The following MDN1 variants were observed in gnomAD, a reference collection of about 807,000 sequenced individuals.
The protein encoded by MDN1 is midasin.
In MDN1, 266 loss-of-function variants were observed where a neutral mutation model predicts 669.2. The observed-to-expected ratio is 0.40, with a 90% confidence interval of 0.36 to 0.44. The LOEUF is 0.44. Among genes scored for constraint, MDN1 ranks in the 20% least tolerant of loss-of-function variants. The pLI is 1.00. For synonymous variants in MDN1, 2,385 were observed against 2,457.1 expected, an observed-to-expected ratio of 0.97 and a Z score of 0.87; for missense variants, 5,940 against 6,754.0, an observed-to-expected ratio of 0.88 and a Z score of 4.22.
At chr6:89,653,871 G>GT (rs1809060029) in intron 93 of MDN1, among the ~76,000 whole-genome samples, 1 of 152,126 alleles carries the variant, frequency 6.6e-6, no homozygotes, top group Non-Finnish European at 1.5e-5. Context: ...CATAGCTGTA[G>GT]TAAGTGTACT....
At chr6:89,675,276 G>C in intron 78 of MDN1, 188 bp downstream of exon 78, 1 of 569,798 alleles carries the variant, frequency 1.8e-6, no homozygotes, top group South Asian at 2.2e-5. Flanking sequence ...GAGGGAGAGG[G>C]ACACTAGAGG....
intron 30 of MDN1, 70 bp from the exon 31 acceptor site, chr6:89,743,350 G>A (rs571626754): frequency 1.7e-4 from 267 of 1,579,446 alleles, no homozygotes; most frequent in Non-Finnish European, 2.3e-4. Flanking sequence ...GCAGCTGGCT[G>A]GTGTTTCCAG....
chr6:89,671,610 G>A (rs1810771464), intron 82 of MDN1, among the ~76,000 whole-genome samples: 1 of 152,174 alleles, frequency 6.6e-6, no homozygotes, highest in Non-Finnish European at 1.5e-5. Flanking sequence ...CCTGAGCCCA[G>A]GAGGTCAAGG....
In MDN1 at chr6:89,661,541, C is replaced by T; in HGVS notation, c.14603G>A (p.Gly4868Asp). The T allele has an allele frequency of 6.2e-7, 1 of 1,614,124 alleles. No individual in the cohort carries two copies. Among genetic ancestry groups the T allele is most frequent in the Non-Finnish European group, 8.5e-7 (1 of 1,180,008 alleles). Reference protein sequence around the residue: ...YDENEVDPYHGNQEKVPEPEA... With the variant: ...YDENEVDPYHDNQEKVPEPEA... ...GGGTTCTGGCACCTTTTCCTGATTGCCATGGTAAGGGTCCACCTCATTTTC... is the reference window on the plus strand; with the variant it reads ...GGGTTCTGGCACCTTTTCCTGATTGTCATGGTAAGGGTCCACCTCATTTTC... Residue 4868 changes from glycine to aspartate, a missense_variant, in exon 88 of 102, where the codon GGC becomes GAC. Gly to Asp is a moderately conservative substitution (Grantham distance 94). Around this residue, in one of 5 missense-constraint regions of MDN1, gnomAD observed 2,280 missense variants for 2,576.3 expected, o/e 0.88. Coordinates refer to ENST00000369393, the MANE Select transcript of MDN1 (RefSeq NM_014611.3).
chr6:89,663,628 C>T (rs2128301714), intron 85 of MDN1, among the ~76,000 whole-genome samples: 1 of 152,102 alleles, frequency 6.6e-6, no homozygotes, highest in Non-Finnish European at 1.5e-5. Flanking sequence ...GGAGAATGTT[C>T]ATAAGATGTT....
chr6:89,700,836 A>C lies in MDN1; in HGVS notation c.8448T>G (p.Cys2816Trp), dbSNP rs1813105525. Residue 2816 changes from cysteine to tryptophan, a missense_variant, in exon 56 of 102, where the codon TGT (cysteine) becomes TGG (tryptophan). Physicochemically the swap from Cys to Trp is radical, Grantham distance 215 (BLOSUM62 -2). Coordinates refer to ENST00000369393, the MANE Select transcript of MDN1 (RefSeq NM_014611.3). ...FPFKDKLVVE[C>W]FSQLKVLNKV... is the part of the protein sequence containing the mutation. ...TGTTAAGGACCTTCAGTTGTGAAAA[A>C]CACTCCACCACCAGCTTGTCCTGAA... 2 of 1,614,056 alleles carry C rather than the reference A, an allele frequency of 1.2e-6. No homozygotes were observed. The highest frequency in any genetic ancestry group is 1.7e-6 in the Non-Finnish European group (2 of 1,179,998).
rs759631274 is a variant in MDN1 at position 89,674,404 on chromosome 6, G to A, written c.12947C>T (p.Pro4316Leu). 1.2e-6 allele frequency: 2 copies of A among 1,614,202 alleles called. No individual in the cohort carries two copies. The highest frequency in any genetic ancestry group is 1.7e-6 in the Non-Finnish European group (2 of 1,180,030). The change falls in exon 79 of 102, where the codon CCA (proline) becomes CTA (leucine). Residue 4316 changes from proline (P) to leucine (L), a missense_variant. Coordinates refer to ENST00000369393, the MANE Select transcript of MDN1 (RefSeq NM_014611.3). ...CTGGACATTGCCATGGCCTGGAGCT[G>A]GCCCTACACTGGGGCAGCACTGGAG... Reference protein sequence around the residue: ...WLLQCCPSVGPAPGHGNVQVL... With the variant: ...WLLQCCPSVGLAPGHGNVQVL...
chr6:89,781,838 A>C (rs1818689666), intron 9 of MDN1, among the ~76,000 whole-genome samples: 1 of 152,208 alleles, frequency 6.6e-6, no homozygotes, highest in African/African-American at 2.4e-5. Context: ...AAAAATACAA[A>C]CATGGGCACG....
intron 1 of MDN1, among the ~76,000 whole-genome samples, chr6:89,806,320 T>C (rs1375337282): frequency 6.6e-6 from 1 of 152,110 alleles, no homozygotes; most frequent in African/African-American, 2.4e-5. Flanking sequence ...GGTGGTACTT[T>C]GGGAGGCCAA....
intron 1 of MDN1, among the ~76,000 whole-genome samples, chr6:89,809,883 T>G (rs1365855830): frequency 4.0e-5 from 6 of 148,868 alleles, no homozygotes; most frequent in Non-Finnish European, 8.9e-5. Flanking sequence ...CTACTACTCA[T>G]GAGGCTAGAG....
intron 53 of MDN1, among the ~76,000 whole-genome samples, 168 bp downstream of exon 53, chr6:89,705,891 A>C (rs1813481407): frequency 6.6e-6 from 1 of 152,244 alleles, no homozygotes; most frequent in Non-Finnish European, 1.5e-5. Context: ...TTATACCCCA[A>C]TGAAGATTTT....
Position 89,718,470 on chromosome 6 carries a change from C to T in MDN1, c.6479G>A (p.Gly2160Glu), listed in dbSNP as rs370777899. 1.9e-5 allele frequency: 31 copies of T among 1,614,032 alleles called. No homozygotes were observed. The highest frequency in any genetic ancestry group is 1.6e-4 in the Middle Eastern group (1 of 6,082). The stretch of plus-strand genomic sequence containing the variant: ...CATCGTGATAGCTTTACCACCTTCT[C>T]CAAGACACTTAGGCTTATATGTCAG... ...FLLTYKPKCL[G>E]EGGKAITMEI... The change falls in exon 43 of 102, where the codon GGA becomes GAA. Residue 2160 changes from glycine (G) to glutamate (E), a missense_variant. Gly to Glu is a moderately conservative substitution (Grantham distance 98, BLOSUM62 -2). This residue lies in a region of MDN1 where 2,292 missense variants were observed against 2,638.3 expected (regional missense o/e 0.87). Coordinates refer to ENST00000369393, the MANE Select transcript of MDN1 (RefSeq NM_014611.3).
At chr6:89,769,096 T>C (rs771003441) in intron 15 of MDN1, among the ~76,000 whole-genome samples, 2 of 152,100 alleles carry the variant, frequency 1.3e-5, no homozygotes, top group Non-Finnish European at 2.9e-5. Context: ...CAGGTTATTA[T>C]TTAACATACT....
intron 69 of MDN1, among the ~76,000 whole-genome samples, chr6:89,686,286 A>C (rs1811999148): frequency 6.6e-6 from 1 of 152,142 alleles, no homozygotes; most frequent in African/African-American, 2.4e-5. Context: ...TTAGACAGGC[A>C]TGGTGTTGGG....
At chr6:89,676,717 G>A (rs571394966) in intron 76 of MDN1, among the ~76,000 whole-genome samples, 1 of 152,298 alleles carries the variant, frequency 6.6e-6, no homozygotes, top group Non-Finnish European at 1.5e-5. Flanking sequence ...GAATGCTTAT[G>A]TAAAATTTCC....
Position 89,685,872 on chromosome 6 carries a change from C to T in MDN1, c.11674G>A (p.Val3892Ile). 6.2e-7 allele frequency: 1 copy of T among 1,614,066 alleles called. No homozygotes were observed. Among genetic ancestry groups the T allele is most frequent in the Non-Finnish European group, 8.5e-7 (1 of 1,180,016 alleles). The stretch of plus-strand genomic sequence containing the variant: ...ATCAGCAAGACATGACAATGGAAAA[C>T]CAGTAACATCTGAAGTCGCACATGG... ...EFHVRLQMLL[V>I]FHCHVLLMPQ... is the part of the protein sequence containing the mutation. Residue 3892 changes from valine to isoleucine, a missense_variant, in exon 70 of 102, where the codon GTT becomes ATT. Around this residue, in one of 5 missense-constraint regions of MDN1, gnomAD observed 2,280 missense variants for 2,576.3 expected, o/e 0.88. Coordinates refer to ENST00000369393, the MANE Select transcript of MDN1 (RefSeq NM_014611.3).
intron 68 of MDN1, 141 bp downstream of exon 68, chr6:89,687,203 C>T: frequency 8.8e-7 from 1 of 1,142,682 alleles, no homozygotes; most frequent in Non-Finnish European, 1.2e-6. Context: ...CATTTTAATG[C>T]CCTACTTTTA....
Position 89,745,611 on chromosome 6 carries a change from G to C in MDN1, c.3920C>G (p.Ala1307Gly). 2 of 1,613,938 alleles carry C rather than the reference G, an allele frequency of 1.2e-6. No homozygotes were observed. Among genetic ancestry groups the C allele is most frequent in the Non-Finnish European group, 1.7e-6 (2 of 1,179,960 alleles). Residue 1307 changes from alanine to glycine, a missense_variant, in exon 28 of 102, where the codon GCA becomes GGA. Around this residue, in one of 5 missense-constraint regions of MDN1, gnomAD observed 2,292 missense variants for 2,638.3 expected, o/e 0.87. Transcript: ENST00000369393. ...TTCCTCCTGCTTCCTGACTCGACCTGCCAGAAGCATATAACCTGGGAGGAG... is the reference window on the plus strand; with the variant it reads ...TTCCTCCTGCTTCCTGACTCGACCTCCCAGAAGCATATAACCTGGGAGGAG... ...HLANDGYMLL[A>G]GRVRKQEEID...
intron 7 of MDN1, 26 bp downstream of exon 7, chr6:89,789,754 A>C: frequency 6.4e-7 from 1 of 1,567,852 alleles, no homozygotes; most frequent in Non-Finnish European, 8.6e-7. Context: ...ATATTAAGGG[A>C]CAATGAATTT....
Sources: allele counts gnomAD v4.1 joint callset (sites outside exome capture counted in the v4.1 genomes callset), GRCh38; gene constraint gnomAD v4.1.1; regional missense constraint gnomAD v4.1.1; transcripts MANE v1.5; gene names NCBI Gene and HGNC (gene_info 2026-07-23, HGNC 2026-07-21).